The following SPTBN1 variants were observed in gnomAD, a reference collection of about 807,000 sequenced individuals.
SPTBN1 encodes the protein spectrin beta, non-erythrocytic 1, also known as spectrin beta chain, non-erythrocytic 1.
A neutral mutation model predicts 266.4 loss-of-function variants in SPTBN1; 32 were observed. The observed-to-expected ratio is 0.12, with a 90% CI of 0.09 to 0.16. The LOEUF is 0.16. Among genes scored for constraint, SPTBN1 ranks in the 10% least tolerant of loss-of-function variants. SPTBN1 has a pLI of 1.00. For synonymous variants in SPTBN1, 1,336 were observed against 1,162.2 expected, an observed-to-expected ratio of 1.15 and a Z score of -3.04; for missense variants, 2,296 against 3,067.1, an observed-to-expected ratio of 0.75 and a Z score of 5.94.
At chr2:54,612,907 A>G (rs1677319705) in intron 4 of SPTBN1, among the ~76,000 whole-genome samples, 2 of 152,168 alleles carry the variant, frequency 1.3e-5, no homozygotes, top group East Asian at 1.9e-4. Context: ...GTTTTGTTAT[A>G]CTTGAGGAGG....
chr2:54,626,350 GTACAGC>G lies in SPTBN1; in HGVS notation c.1644+119_1644+124del. On this transcript the variant is annotated intron_variant, in intron 12 of 35. Transcript: ENST00000356805. The surrounding 1 kb of genome is among the most constrained non-coding windows in gnomAD (Gnocchi z 4.7). ...GTGTGCCTTGTCTAACTGCCCACAT[GTACAGC>G]TAGAGAGGAGCCACATCACCCATGG... The G allele has an allele frequency of 7.8e-7, 1 of 1,283,772 alleles. No individual in the cohort carries two copies. The highest frequency in any genetic ancestry group is 1.5e-5 in the South Asian group (1 of 64,856). 79.5% of individuals were successfully genotyped at this position (1,283,772 alleles called of 1,614,324 possible).
chr2:54,664,365 C>T lies in SPTBN1; in HGVS notation c.6421-88C>T, dbSNP rs1336420856. The T allele has an allele frequency of 7.4e-7, 1 of 1,353,104 alleles. No homozygotes were observed. The highest frequency in any genetic ancestry group is 2.3e-5 in the East Asian group (1 of 43,158). The allele number at this position is 1,353,104 out of a possible 1,614,324, so 83.8% of individuals were successfully genotyped here. On this transcript the variant is annotated intron_variant, in intron 32 of 35. Transcript: ENST00000356805. This position sits in a 1 kb window ranked among gnomAD's most constrained non-coding sequence, Gnocchi z 5.6. ...CCTCGATCTGTGCCAGGCATTTATA[C>T]ACAGCCACATGTGCGAGTCAGGTAG...
At chr2:54,499,308 T>G (rs1175196707) in intron 1 of SPTBN1, among the ~76,000 whole-genome samples, 1 of 152,240 alleles carries the variant, frequency 6.6e-6, no homozygotes, top group African/African-American at 2.4e-5. Flanking sequence ...TAAACTTTGC[T>G]GGTTCATGAG....
intron 1 of SPTBN1, 48 bp from the exon 2 acceptor site, chr2:54,526,324 C>G: frequency 6.7e-7 from 1 of 1,487,142 alleles, no homozygotes; most frequent in Non-Finnish European, 9.1e-7. Context: ...TCCGTGGGGA[C>G]TGTATACACT....
At chr2:54,525,562 C>G (rs1156848100) in intron 1 of SPTBN1, among the ~76,000 whole-genome samples, 1 of 152,000 alleles carries the variant, frequency 6.6e-6, no homozygotes, top group Non-Finnish European at 1.5e-5. Context: ...CATCAGTTTT[C>G]TAATATGTAA....
Position 54,512,800 on chromosome 2 carries a change from A to G in SPTBN1, c.-47-13572A>G, listed in dbSNP as rs369943771. 2.6e-5 allele frequency among the ~76,000 whole-genome samples: 4 copies of G among 152,202 alleles called. No homozygotes were observed. The South Asian group carries it at 6.2e-4, about 24-fold the overall frequency. On this transcript the variant is annotated intron_variant, in intron 1 of 35. Coordinates refer to ENST00000356805, the MANE Select transcript of SPTBN1 (RefSeq NM_003128.3). ...AAGAAGCACTATGTTTTAGAGTTAG[A>G]TTACTCTGCTGCAATACAGCTCCTA...
chr2:54,510,938 A>G (rs1459706284), intron 1 of SPTBN1, among the ~76,000 whole-genome samples: 1 of 152,212 alleles, frequency 6.6e-6, no homozygotes. Flanking sequence ...TAGGAGCCAG[A>G]TAAGTTTGAA....
intron 34 of SPTBN1, among the ~76,000 whole-genome samples, 163 bp downstream of exon 34, chr2:54,666,251 C>T (rs1425137490): frequency 6.6e-6 from 1 of 152,174 alleles, no homozygotes; most frequent in Admixed American, 6.5e-5. Flanking sequence ...CTCGGTTAGG[C>T]TGAATTCTTT....
intron 9 of SPTBN1, 102 bp downstream of exon 9, chr2:54,622,589 A>G: frequency 7.3e-7 from 1 of 1,367,216 alleles, no homozygotes; most frequent in Non-Finnish European, 1.0e-6. Flanking sequence ...TCTTAACTGA[A>G]TGCCTTTCAG....
At chr2:54,465,803 A>G (rs1333449395) in intron 1 of SPTBN1, among the ~76,000 whole-genome samples, 1 of 152,002 alleles carries the variant, frequency 6.6e-6, no homozygotes, top group Non-Finnish European at 1.5e-5. Context: ...TGAATGAGTC[A>G]AGTTGTCCTT....
chr2:54,538,655 C>T (rs535780566), intron 2 of SPTBN1, among the ~76,000 whole-genome samples: 2 of 152,174 alleles, frequency 1.3e-5, no homozygotes, highest in Non-Finnish European at 2.9e-5. Context: ...GACCTCTTTG[C>T]TGCAAGCCTG....
At position 54,628,985 on chromosome 2, in the gene SPTBN1, G is replaced by T; in HGVS notation, c.1851G>T (p.Glu617Asp). The T allele has an allele frequency of 6.2e-7, 1 of 1,613,730 alleles. No individual in the cohort carries two copies. The highest frequency in any genetic ancestry group is 1.1e-5 in the South Asian group (1 of 91,068). ...QVIRDRVAHM[E>D]FCYQELCQLA... Reference sequence around the variant, plus strand: ...TCCGAGACCGCGTGGCCCACATGGAGTTCTGTTATCAAGAGCTTTGCCAGC... The same window carrying T: ...TCCGAGACCGCGTGGCCCACATGGATTTCTGTTATCAAGAGCTTTGCCAGC... Residue 617 changes from glutamate (E) to aspartate (D), a missense_variant, in exon 14 of 36, where the codon GAG (glutamate) becomes GAT (aspartate). Around this residue, in one of 12 missense-constraint regions of SPTBN1, gnomAD observed 434 missense variants for 573.9 expected, o/e 0.76. Transcript: ENST00000356805. This position sits in a 1 kb window ranked among gnomAD's most constrained non-coding sequence, Gnocchi z 4.3.
Position 54,646,264 on chromosome 2 carries a change from TCAC to T in SPTBN1, c.4656_4658del (p.Thr1553del). The T allele has an allele frequency of 1.9e-6, 3 of 1,614,052 alleles. No homozygotes were observed. The highest frequency in any genetic ancestry group is 2.2e-5 in the South Asian group (2 of 91,048). On this transcript the variant is annotated inframe_deletion, in exon 23 of 36. Coordinates refer to ENST00000356805, the MANE Select transcript of SPTBN1 (RefSeq NM_003128.3). This position sits in a 1 kb window ranked among gnomAD's most constrained non-coding sequence, Gnocchi z 4.4. ...ATCTTTGAGAGGAGCCAAAACATCG[TCAC>T]TGACAGCAGCAGCCTCAGCGCTGAG...
chr2:54,518,141 T>A (rs1340175052), intron 1 of SPTBN1, among the ~76,000 whole-genome samples: 1 of 152,134 alleles, frequency 6.6e-6, no homozygotes, highest in Non-Finnish European at 1.5e-5. Flanking sequence ...TGGGATGCAA[T>A]CTCGGTCCTT....
intron 2 of SPTBN1, among the ~76,000 whole-genome samples, chr2:54,587,829 C>G (rs986640135): frequency 2.0e-5 from 3 of 152,202 alleles, no homozygotes; most frequent in Admixed American, 1.3e-4. Flanking sequence ...CAGATAAATA[C>G]CCACTCCGCT....
chr2:54,629,664 G>A lies in SPTBN1; in HGVS notation c.2530G>A (p.Ala844Thr), dbSNP rs774140846. Reference protein sequence around the residue: ...VAELTRLRKQALQDTLALYKM... With the variant: ...VAELTRLRKQTLQDTLALYKM... ...AGAGCTGACGCGGCTGCGGAAGCAGGCACTCCAGGACACTCTGGCCCTGTA... is the reference window on the plus strand; with the variant it reads ...AGAGCTGACGCGGCTGCGGAAGCAGACACTCCAGGACACTCTGGCCCTGTA... Residue 844 changes from alanine to threonine, a missense_variant, in exon 14 of 36, where the codon GCA (alanine) becomes ACA (threonine). Ala to Thr is a moderately conservative substitution (Grantham distance 58). Coordinates refer to ENST00000356805, the MANE Select transcript of SPTBN1 (RefSeq NM_003128.3). 2 of 1,613,832 alleles carry A rather than the reference G, an allele frequency of 1.2e-6. No homozygotes were observed. Among genetic ancestry groups the A allele is most frequent in the South Asian group, 2.2e-5 (2 of 91,084 alleles).
intron 2 of SPTBN1, among the ~76,000 whole-genome samples, chr2:54,571,512 A>G (rs1674067189): frequency 6.6e-6 from 1 of 151,806 alleles, no homozygotes; most frequent in Non-Finnish European, 1.5e-5. Flanking sequence ...CCAGTTATAT[A>G]TGAAGATACC....
chr2:54,654,565 A>G (rs182662734), intron 27 of SPTBN1, among the ~76,000 whole-genome samples: 1 of 152,298 alleles, frequency 6.6e-6, no homozygotes, highest in Admixed American at 6.5e-5. Context: ...GTTTTGATCC[A>G]TGCTGGTCAC....
intron 2 of SPTBN1, among the ~76,000 whole-genome samples, chr2:54,539,816 A>G (rs1671828657): frequency 6.6e-6 from 1 of 152,160 alleles, no homozygotes; most frequent in Non-Finnish European, 1.5e-5. Context: ...TGCTGAGATA[A>G]TAGGTGTGAG....
Sources: gnomAD v4.1 joint callset for allele counts (sites outside exome capture counted in the v4.1 genomes callset) on GRCh38, gnomAD v4.1.1 for gene constraint, gnomAD v4.1.1 regional missense constraint, Gnocchi (gnomAD v3.1) non-coding constraint, MANE v1.5 for transcripts, NCBI Gene and HGNC (gene_info 2026-07-23, HGNC 2026-07-21) for gene names.